Variants in DPP10 observed in about 807,000 individuals in gnomAD.
DPP10 encodes the protein dipeptidyl peptidase like 10.
In DPP10, 33 loss-of-function variants were observed where a neutral mutation model predicts 120.9. The ratio of observed to expected loss-of-function variants is 0.27; its 90% CI spans 0.21 to 0.37. DPP10 has a LOEUF of 0.37. Among genes scored for constraint, DPP10 ranks in the 10% least tolerant of loss-of-function variants. The pLI, the probability that DPP10 is intolerant of heterozygous loss-of-function variation, is 1.00. For missense variants in DPP10, 816 were observed against 942.8 expected, an observed-to-expected ratio of 0.87 and a Z score of 1.76; for synonymous variants, 337 against 326.1, an observed-to-expected ratio of 1.03 and a Z score of -0.36.
At chr2:115,789,628 G>C (rs1683723317) in intron 17 of DPP10, among the ~76,000 whole-genome samples, 1 of 152,072 alleles carries the variant, frequency 6.6e-6, no homozygotes, top group Admixed American at 6.5e-5. Flanking sequence ...AGTAAAGTGG[G>C]TAAGACAAAG....
intron 1 of DPP10, among the ~76,000 whole-genome samples, chr2:114,865,280 G>C (rs1201675924): frequency 6.6e-6 from 1 of 152,150 alleles, no homozygotes; most frequent in Non-Finnish European, 1.5e-5. Context: ...ATACTAATTG[G>C]TCTGAAAATG....
intron 1 of DPP10, among the ~76,000 whole-genome samples, chr2:114,749,240 T>G (rs1376383833): frequency 6.6e-6 from 1 of 151,042 alleles, no homozygotes; most frequent in African/African-American, 2.4e-5. Context: ...CGCCCACTTT[T>G]TGATGGGGTT....
At chr2:115,663,994 C>CAAA (rs2089238754) in intron 5 of DPP10, among the ~76,000 whole-genome samples, 2 of 148,870 alleles carry the variant, frequency 1.3e-5, no homozygotes, top group Non-Finnish European at 3.0e-5. Flanking sequence ...GACTCCATCT[C>CAAA]AATAATAATA....
intron 1 of DPP10, among the ~76,000 whole-genome samples, chr2:114,902,440 C>T (rs1486486247): frequency 6.6e-6 from 1 of 152,130 alleles, no homozygotes; most frequent in East Asian, 1.9e-4. Context: ...GTTTTCCAAT[C>T]CTGGTACTAA....
intron 1 of DPP10, among the ~76,000 whole-genome samples, chr2:114,848,203 CTGTT>C (rs1688688152): frequency 2.0e-5 from 3 of 152,268 alleles, no homozygotes; most frequent in South Asian, 4.1e-4. Context: ...ATCTACCTCA[CTGTT>C]TGTGAAGAAG....
intron 1 of DPP10, among the ~76,000 whole-genome samples, chr2:114,973,523 G>A (rs573243590): frequency 3.3e-5 from 5 of 151,716 alleles, no homozygotes; most frequent in African/African-American, 9.7e-5. Context: ...TTAGCCGGGC[G>A]TGGTGGCGGG....
chr2:114,610,497 G>T (rs1693200228), intron 1 of DPP10, among the ~76,000 whole-genome samples: 1 of 152,072 alleles, frequency 6.6e-6, no homozygotes, highest in Non-Finnish European at 1.5e-5. Flanking sequence ...AACCAGGGCT[G>T]GGGGAAAAGA....
chr2:115,445,075 C>T (rs1046297924), intron 3 of DPP10, among the ~76,000 whole-genome samples: 1 of 152,094 alleles, frequency 6.6e-6, no homozygotes, highest in African/African-American at 2.4e-5. Flanking sequence ...AGTGTGGTTA[C>T]CCTGCTCTCT....
chr2:115,306,236 T>A (rs1399016213), intron 1 of DPP10, among the ~76,000 whole-genome samples: 1 of 151,934 alleles, frequency 6.6e-6, no homozygotes, highest in Non-Finnish European at 1.5e-5. Context: ...CTGGCTTGCA[T>A]AACTAGGAGA....
intron 1 of DPP10, among the ~76,000 whole-genome samples, chr2:115,069,667 A>G (rs1438451542): frequency 3.9e-5 from 6 of 152,082 alleles, no homozygotes; most frequent in Non-Finnish European, 8.8e-5. Flanking sequence ...TCAGTTTAGC[A>G]TAGTGGTAAG....
rs778881787 is a variant in DPP10, at chr2:115,791,071, T to G, written c.1532-10T>G. ...GGTTAGCTATTTACACTACCCTTTTTGGTTTACAGAATATTTTATATTGGA... is the reference window on the plus strand; with the variant it reads ...GGTTAGCTATTTACACTACCCTTTTGGGTTTACAGAATATTTTATATTGGA... On this transcript the variant is annotated splice_polypyrimidine_tract_variant and intron_variant, in intron 17 of 25. Coordinates refer to ENST00000410059, the MANE Select transcript of DPP10 (RefSeq NM_020868.6). 1 of 1,602,564 alleles carries G rather than the reference T, an allele frequency of 6.2e-7. No individual in the cohort carries two copies. Among genetic ancestry groups the G allele is most frequent in the Non-Finnish European group, 8.5e-7 (1 of 1,172,634 alleles).
At chr2:114,657,245 CT>C (rs1385646224) in intron 1 of DPP10, among the ~76,000 whole-genome samples, 1 of 152,058 alleles carries the variant, frequency 6.6e-6, no homozygotes, top group Non-Finnish European at 1.5e-5. Flanking sequence ...CACGTTCTTT[CT>C]TTTTCTCCTG....
intron 1 of DPP10, among the ~76,000 whole-genome samples, chr2:114,722,592 C>G (rs150938615): frequency 6.6e-6 from 1 of 151,524 alleles, no homozygotes; most frequent in African/African-American, 2.4e-5. Flanking sequence ...CTGGCTAACA[C>G]GGCGAAACCC....
chr2:115,064,814 A>G (rs1384881145), intron 1 of DPP10: 23 of 1,303,990 alleles, frequency 1.8e-5, no homozygotes, highest in Admixed American at 2.3e-5. Flanking sequence ...AGGTAAGTGG[A>G]TGCTACCTAG....
intron 1 of DPP10, among the ~76,000 whole-genome samples, chr2:114,738,523 A>AGGGGAGCACTAGCCTGTGT (rs575610740): frequency 4.6e-5 from 7 of 152,130 alleles, no homozygotes; most frequent in Non-Finnish European, 7.4e-5. Context: ...AGTGGCTCAA[A>AGGGGAGCACTAGCCTGTGT]GGGGAGCACT....
At chr2:115,528,968 CT>C (rs2078297520) in intron 5 of DPP10, among the ~76,000 whole-genome samples, 1 of 151,734 alleles carries the variant, frequency 6.6e-6, no homozygotes, top group Non-Finnish European at 1.5e-5. Context: ...TTGTTGTTTT[CT>C]TGACCTGGTT....
intron 1 of DPP10, among the ~76,000 whole-genome samples, chr2:115,142,358 A>G (rs4849383): frequency 0.074 from 11,283 of 152,236 alleles, 796 homozygotes; most frequent in East Asian, 0.3. Flanking sequence ...TCTGTTTGCC[A>G]GAGCCCAAGG....
intron 1 of DPP10, among the ~76,000 whole-genome samples, chr2:115,258,753 A>G (rs996178253): frequency 2.6e-5 from 4 of 152,040 alleles, no homozygotes; most frequent in Non-Finnish European, 4.4e-5. Flanking sequence ...TCTACTACTT[A>G]GGGCACACTG....
chr2:115,511,979 G>T (rs150294485), intron 4 of DPP10, among the ~76,000 whole-genome samples: 138 of 151,916 alleles, frequency 9.1e-4, no homozygotes, highest in African/African-American at 3.1e-3. Context: ...TGATCCTCCT[G>T]TCTTGGTCTG....
Sources: allele counts gnomAD v4.1 joint callset (sites outside exome capture counted in the v4.1 genomes callset), GRCh38; gene constraint gnomAD v4.1.1; transcripts MANE v1.5; gene names NCBI Gene and HGNC (gene_info 2026-07-23, HGNC 2026-07-21).